ATXN1: variants seen among roughly 807,000 people sequenced by gnomAD.
The protein encoded by ATXN1 is ataxin-1.
A neutral mutation model predicts 56.4 loss-of-function variants in ATXN1; 8 were observed. The observed-to-expected ratio is 0.14, with a 90% CI of 0.08 to 0.26. ATXN1 has a LOEUF of 0.26. Among genes scored for constraint, ATXN1 ranks in the 10% least tolerant of loss-of-function variants. The probability of loss-of-function intolerance (pLI) is 1.00; values close to 1 mark genes in which losing one functional copy is unlikely to be tolerated. For missense variants in ATXN1, 987 were observed against 1,106.5 expected (o/e 0.89, Z 1.53); for synonymous variants, 514 against 494.6 (o/e 1.04, Z -0.52).
intron 3 of ATXN1, among the ~76,000 whole-genome samples, chr6:16,598,700 C>T (rs7748239): frequency 2.6e-5 from 4 of 152,136 alleles, no homozygotes; most frequent in African/African-American, 7.2e-5. Flanking sequence ...AATGATAAGG[C>T]GGCCAGCAAG....
intron 4 of ATXN1, among the ~76,000 whole-genome samples, chr6:16,585,365 T>C (rs1033807812): frequency 9.2e-5 from 14 of 152,170 alleles, no homozygotes; most frequent in Non-Finnish European, 2.9e-5. Flanking sequence ...AACTATACGG[T>C]AGAAAAATAT....
At chr6:16,437,838 G>A (rs551793997) in intron 6 of ATXN1, among the ~76,000 whole-genome samples, 5 of 152,348 alleles carry the variant, frequency 3.3e-5, no homozygotes, top group Admixed American at 3.3e-4. Flanking sequence ...AGTGTAAGGA[G>A]AGCTTCCTGT....
At chr6:16,511,365 T>TCC (rs1419368314) in intron 5 of ATXN1, among the ~76,000 whole-genome samples, 2 of 152,194 alleles carry the variant, frequency 1.3e-5, no homozygotes, top group African/African-American at 4.8e-5. Context: ...ACTCTTCCTT[T>TCC]CCCTTTATAA....
intron 6 of ATXN1, among the ~76,000 whole-genome samples, chr6:16,426,276 G>A (rs1033679765): frequency 5.8e-5 from 6 of 103,164 alleles, no homozygotes; most frequent in Admixed American, 5.6e-4. Flanking sequence ...GGGCTGGTGG[G>A]GAGGGTGGGG....
At chr6:16,622,549 T>G (rs1023600652) in intron 3 of ATXN1, among the ~76,000 whole-genome samples, 1 of 152,218 alleles carries the variant, frequency 6.6e-6, no homozygotes, top group East Asian at 1.9e-4. Context: ...AGACTGCAGT[T>G]CTATTTTTAG....
chr6:16,558,341 C>T (rs779044617), intron 4 of ATXN1, among the ~76,000 whole-genome samples: 13 of 147,986 alleles, frequency 8.8e-5, no homozygotes, highest in South Asian at 4.3e-4. Context: ...GTAAGTTTTA[C>T]GATATATGAA....
intron 6 of ATXN1, among the ~76,000 whole-genome samples, chr6:16,378,536 AC>A (rs1762189386): frequency 7.3e-6 from 1 of 137,144 alleles, no homozygotes; most frequent in Admixed American, 7.4e-5. Context: ...CCCTCTCTTG[AC>A]TTTATTTATT....
chr6:16,546,424 G>T (rs746924679), intron 4 of ATXN1, among the ~76,000 whole-genome samples: 2 of 152,106 alleles, frequency 1.3e-5, no homozygotes, highest in Non-Finnish European at 2.9e-5. Flanking sequence ...CTGGGGCCAG[G>T]TGTGCTCTCC....
intron 3 of ATXN1, among the ~76,000 whole-genome samples, chr6:16,638,983 C>G (rs1311413912): frequency 6.6e-6 from 1 of 152,208 alleles, no homozygotes; most frequent in Non-Finnish European, 1.5e-5. Context: ...GAGAACTTTT[C>G]TGTCTTACAA....
chr6:16,384,156 A>G (rs1561875128), intron 6 of ATXN1, among the ~76,000 whole-genome samples: 1 of 152,334 alleles, frequency 6.6e-6, no homozygotes, highest in East Asian at 1.9e-4. Flanking sequence ...CCTTTTTCCT[A>G]TCAGAGAGCT....
chr6:16,580,390 G>A (rs1762506992), intron 4 of ATXN1, among the ~76,000 whole-genome samples: 1 of 152,214 alleles, frequency 6.6e-6, no homozygotes, highest in Non-Finnish European at 1.5e-5. Flanking sequence ...TGATAAAGCT[G>A]TATGAAAGTT....
chr6:16,549,386 T>C (rs930920665), intron 4 of ATXN1, among the ~76,000 whole-genome samples: 3 of 152,148 alleles, frequency 2.0e-5, no homozygotes, highest in Non-Finnish European at 4.4e-5. Flanking sequence ...GCTACAACAT[T>C]ACTAGGCGAT....
At chr6:16,332,354 A>G (rs185907005) in intron 6 of ATXN1, among the ~76,000 whole-genome samples, 1 of 152,180 alleles carries the variant, frequency 6.6e-6, no homozygotes, top group East Asian at 1.9e-4. Context: ...TAAACAACAA[A>G]GAAGTAACTT....
chr6:16,333,660 G>A (rs1761041354), intron 6 of ATXN1, among the ~76,000 whole-genome samples: 1 of 152,196 alleles, frequency 6.6e-6, no homozygotes, highest in Non-Finnish European at 1.5e-5. Flanking sequence ...CTTTAAAGAA[G>A]AGGAAGAGCA....
chr6:16,593,866 T>C (rs1030780343), intron 3 of ATXN1, among the ~76,000 whole-genome samples: 32 of 147,656 alleles, frequency 2.2e-4, no homozygotes, highest in Non-Finnish European at 3.9e-4. Flanking sequence ...TGCATATATA[T>C]ATATATATAT....
chr6:16,534,699 A>C (rs1451462702), intron 4 of ATXN1, among the ~76,000 whole-genome samples: 1 of 152,028 alleles, frequency 6.6e-6, no homozygotes, highest in Non-Finnish European at 1.5e-5. Flanking sequence ...CTTCCTACCT[A>C]AAATAAACCC....
chr6:16,529,312 C>G (rs1460184498), intron 4 of ATXN1, among the ~76,000 whole-genome samples: 1 of 150,494 alleles, frequency 6.6e-6, no homozygotes, highest in East Asian at 1.9e-4. Context: ...AGGTGCCAGG[C>G]AAGCGTTCTT....
chr6:16,476,521 T>C (rs1760329542), intron 6 of ATXN1, among the ~76,000 whole-genome samples: 1 of 146,256 alleles, frequency 6.8e-6, no homozygotes, highest in Admixed American at 6.7e-5. Flanking sequence ...TATATAATAA[T>C]CCAAAAAAAA....
At chr6:16,550,120 C>T (rs1391835023) in intron 4 of ATXN1, among the ~76,000 whole-genome samples, 3 of 144,066 alleles carry the variant, frequency 2.1e-5, no homozygotes, top group Admixed American at 7.2e-5. Flanking sequence ...TACATATGTA[C>T]CCCAGAACTT....
Sources: allele counts gnomAD v4.1 joint callset (sites outside exome capture counted in the v4.1 genomes callset), GRCh38; gene constraint gnomAD v4.1.1; transcripts MANE v1.5; gene names NCBI Gene and HGNC (gene_info 2026-07-23, HGNC 2026-07-21).